COL3A1: variants seen among roughly 807,000 people sequenced by gnomAD.
COL3A1 encodes collagen type III alpha 1 chain.
Under a neutral mutation model 200.9 loss-of-function variants are expected in COL3A1, and 46 were observed. The observed-to-expected ratio is 0.23, with a 90% CI of 0.18 to 0.29. COL3A1 has a LOEUF of 0.29. COL3A1 is among the 10% of genes least tolerant of loss of function. The probability of loss-of-function intolerance (pLI) is 1.00; values close to 1 mark genes in which losing one functional copy is unlikely to be tolerated. For missense variants in COL3A1, 1,367 were observed against 1,917.6 expected (o/e 0.71, Z 5.36); for synonymous variants, 650 against 628.0 (o/e 1.03, Z -0.52).
rs1361368010 is a variant in COL3A1, at chr2:189,002,951, G to A, written c.2446-4G>A. 2 of 1,548,536 alleles carry A rather than the reference G, an allele frequency of 1.3e-6. No homozygotes were observed. Among genetic ancestry groups the A allele is most frequent in the Admixed American group, 2.0e-5 (1 of 51,014 alleles). The stretch of plus-strand genomic sequence containing the variant: ...TGAGAGATTGCTGTTGTTGTTGCAT[G>A]TAGGGACAGAATGGTGAACCTGGTG... On this transcript the variant is annotated splice_polypyrimidine_tract_variant and splice_region_variant and intron_variant, in intron 35 of 50. Coordinates refer to ENST00000304636, the MANE Select transcript of COL3A1 (RefSeq NM_000090.4).
At chr2:188,992,270 A>G in intron 14 of COL3A1, 42 bp downstream of exon 14, 1 of 1,572,672 alleles carries the variant, frequency 6.4e-7, no homozygotes, top group Non-Finnish European at 8.8e-7. Flanking sequence ...GGGTAATGAG[A>G]AGTTATGGAT....
Position 189,008,056 on chromosome 2 carries a change from C to T in COL3A1, c.3439C>T (p.Pro1147Ser). 6.2e-7 allele frequency: 1 copy of T among 1,614,082 alleles called. No individual in the cohort carries two copies. Among genetic ancestry groups the T allele is most frequent in the Non-Finnish European group, 8.5e-7 (1 of 1,179,976 alleles). ...GPRGPVGPSG[P>S]PGKDGTSGHP... ...TTAGGGACCTGTTGGACCCAGTGGA[C>T]CTCCTGGCAAAGATGGAACCAGTGG... The change falls in exon 47 of 51, where the codon CCT becomes TCT. Residue 1147 changes from proline (P) to serine (S), a missense_variant. Transcript: ENST00000304636.
chr2:189,005,796 T>G (rs1688572309), intron 41 of COL3A1, among the ~76,000 whole-genome samples: 1 of 151,952 alleles, frequency 6.6e-6, no homozygotes, highest in Admixed American at 6.5e-5. Context: ...GAATTTAAAA[T>G]TAATATTATT....
Position 188,974,388 on chromosome 2 carries a change from C to G in COL3A1, c.-102C>G, listed in dbSNP as rs1687761240. ...GAATCTCAGTGGCTGAGTTTTATGA[C>G]GGGCCCGGTGCTGAAGGGCAGGGAA... On this transcript the variant is annotated 5_prime_UTR_variant, in exon 1 of 51. Transcript: ENST00000304636. The G allele has an allele frequency of 2.4e-6, 2 of 830,246 alleles. No individual in the cohort carries two copies. The highest frequency in any genetic ancestry group is 1.7e-5 in the African/African-American group (1 of 58,846). The allele number at this position is 830,246 out of a possible 1,614,324, so 51.4% of individuals were successfully genotyped here. A position where few individuals can be genotyped will look rare whatever the true frequency, so the allele number is the denominator to read the frequency against.
rs1475668896 is a variant in COL3A1, at chr2:189,007,815, G to C, written c.3364-70G>C. ...TCATGATCCCCATGTTTCTTGATCT[G>C]ATCTTGAATGTACAGTTTCCCAGTG... On this transcript the variant is annotated intron_variant, in intron 45 of 50. Transcript: ENST00000304636. 6 of 1,556,134 alleles carry C rather than the reference G, an allele frequency of 3.9e-6. No individual in the cohort carries two copies. The Admixed American group carries it at 1.0e-4, about 26-fold the overall frequency.
Position 188,995,902 on chromosome 2 carries a change from G to T in COL3A1, c.1608+112G>T, listed in dbSNP as rs749942991. ...TCAATCAGATTACATATTTTGTAAG[G>T]CACCAAACAAAACAAAATTCTTTTA... On this transcript the variant is annotated intron_variant, in intron 22 of 50. Coordinates refer to ENST00000304636, the MANE Select transcript of COL3A1 (RefSeq NM_000090.4). 57 of 1,070,972 alleles carry T rather than the reference G, an allele frequency of 5.3e-5. 1 individual carries two copies. Among genetic ancestry groups the T allele is most frequent in the Non-Finnish European group, 7.0e-5 (51 of 727,290 alleles). 66.3% of individuals were successfully genotyped at this position (1,070,972 alleles called of 1,614,324 possible).
rs1251770723 is a variant in COL3A1, at chr2:188,986,372, C to T, written c.447+594C>T. On this transcript the variant is annotated intron_variant, in intron 4 of 50. Transcript: ENST00000304636. ...AGGTGAAACGAGAAAATATATTACA[C>T]AAATTTTTGTGAGGTTAAAAAGTGC... Among the ~76,000 whole-genome samples, 4 of 151,966 alleles carry T rather than the reference C, an allele frequency of 2.6e-5. No homozygotes were observed. The East Asian group carries it at 7.7e-4, about 29-fold the overall frequency.
rs13306266 is a variant in COL3A1 at position 188,991,972 on chromosome 2, T to A, written c.952-212T>A. Among the ~76,000 whole-genome samples, 8 of 152,316 alleles carry A rather than the reference T, an allele frequency of 5.3e-5. No individual in the cohort carries two copies. The East Asian group carries it at 1.5e-3, about 29-fold the overall frequency. On this transcript the variant is annotated intron_variant, in intron 13 of 50. Coordinates refer to ENST00000304636, the MANE Select transcript of COL3A1 (RefSeq NM_000090.4). ...TTTGAGCCATTATATCTGCATTCAG[T>A]CCTGAAAACACAGACTCCAATCCTT... is the stretch of plus-strand genomic sequence containing the variant.
rs553203474 is a variant in COL3A1 at position 188,999,570 on chromosome 2, G to A, written c.2222G>A (p.Gly741Asp). ...GGTCTTGGAAGTCCTGGTCCAAAGG[G>A]TGACAAGGTGTTGACTTGTTTTCTC... ...RGGLGSPGPKGDKGEPGGPGA... is the reference protein window; with the variant it reads ...RGGLGSPGPKDDKGEPGGPGA... The change falls in exon 31 of 51, where the codon GGT becomes GAT. Residue 741 changes from glycine (G) to aspartate (D), a missense_variant. Transcript: ENST00000304636. 6.2e-7 allele frequency: 1 copy of A among 1,613,100 alleles called. No individual in the cohort carries two copies. Among genetic ancestry groups the A allele is most frequent in the African/African-American group, 1.3e-5 (1 of 75,026 alleles).
chr2:188,994,771 C>A lies in COL3A1; in HGVS notation c.1395C>A (p.Gly465=). 2 of 1,613,028 alleles carry A rather than the reference C, an allele frequency of 1.2e-6. No homozygotes were observed. Among genetic ancestry groups the A allele is most frequent in the Middle Eastern group, 1.7e-4 (1 of 6,028 alleles). ...PGVPGAKGED[G]KDGSPGEPGA... ...TTCCAGGAGCTAAAGGCGAAGATGG[C>A]AAGGATGGATCACCTGGAGAACCTG... The change falls in exon 20 of 51, where the codon GGC becomes GGA. Residue 465 remains glycine (G), a synonymous_variant. Transcript: ENST00000304636. This position sits in a 1 kb window ranked among gnomAD's most constrained non-coding sequence, Gnocchi z 4.5.
chr2:189,006,089 C>T (rs1237906303), intron 41 of COL3A1, 117 bp from the exon 42 acceptor site: 4 of 1,025,146 alleles, frequency 3.9e-6, no homozygotes, highest in African/African-American at 1.6e-5. Flanking sequence ...GATTTCTTAC[C>T]CCCAAGAACC....
chr2:189,007,686 C>T (rs1688625701), intron 45 of COL3A1, 79 bp downstream of exon 45: 2 of 1,333,940 alleles, frequency 1.5e-6, no homozygotes, highest in African/African-American at 1.5e-5. Flanking sequence ...CTTTCCATCT[C>T]TAAAAATATG....
chr2:188,988,770 G>A (rs986626006), intron 7 of COL3A1, 127 bp downstream of exon 7: 64 of 672,708 alleles, frequency 9.5e-5, no homozygotes, highest in Non-Finnish European at 1.6e-4. Context: ...TGTAAATAAC[G>A]AATAGCATTT....
intron 22 of COL3A1, 127 bp from the exon 23 acceptor site, chr2:188,995,998 G>A (rs1180987569): frequency 3.0e-6 from 3 of 1,013,708 alleles, no homozygotes; most frequent in South Asian, 2.8e-5. Context: ...TTTATAGACA[G>A]GAAAAAAGAT....
chr2:189,001,349 A>G (rs756056956), intron 32 of COL3A1, 48 bp from the exon 33 acceptor site: 1 of 1,565,164 alleles, frequency 6.4e-7, no homozygotes, highest in Non-Finnish European at 8.8e-7. Flanking sequence ...TAATGCAAAA[A>G]ACGATATTTG....
At chr2:188,990,028 T>G (rs1688152893) in intron 8 of COL3A1, 68 bp from the exon 9 acceptor site, 1 of 1,425,748 alleles carries the variant, frequency 7.0e-7, no homozygotes, top group African/African-American at 1.4e-5. Flanking sequence ...AAGTAACCAT[T>G]TTGCTTATTG....
In COL3A1 at chr2:188,990,109, G is replaced by C. The variant is rs554901115; in HGVS notation, c.704G>C (p.Arg235Thr). The change falls in exon 9 of 51, where the codon AGA becomes ACA. Residue 235 changes from arginine to threonine, a missense_variant. By Grantham distance (71) the Arg-to-Thr change is moderately conservative. This residue lies in a region of COL3A1 where 462 missense variants were observed against 681.4 expected (regional missense o/e 0.68). Coordinates refer to ENST00000304636, the MANE Select transcript of COL3A1 (RefSeq NM_000090.4). Reference protein sequence around the residue: ...GPAGKDGESGRPGRPGERGLP... With the variant: ...GPAGKDGESGTPGRPGERGLP... Reference sequence around the variant, plus strand: ...TTCTCTACCTAGGGAGAATCAGGTAGACCCGGACGACCTGGAGAGCGAGGA... The same window carrying C: ...TTCTCTACCTAGGGAGAATCAGGTACACCCGGACGACCTGGAGAGCGAGGA... 6.2e-7 allele frequency: 1 copy of C among 1,613,572 alleles called. No homozygotes were observed. The highest frequency in any genetic ancestry group is 8.5e-7 in the Non-Finnish European group (1 of 1,179,740).
intron 23 of COL3A1, 102 bp from the exon 24 acceptor site, chr2:188,996,287 TATGTATATC>T: frequency 1.3e-6 from 1 of 759,760 alleles, no homozygotes; most frequent in Non-Finnish European, 2.0e-6. Context: ...TATATATGTA[TATGTATATC>T]TATATATATA....
intron 37 of COL3A1, 90 bp downstream of exon 37, chr2:189,003,554 G>A: frequency 7.1e-7 from 1 of 1,415,086 alleles, no homozygotes; most frequent in South Asian, 1.2e-5. Flanking sequence ...GTTCCATAAA[G>A]AGAATGTAAA....
Sources: allele counts gnomAD v4.1 joint callset (sites outside exome capture counted in the v4.1 genomes callset), GRCh38; gene constraint gnomAD v4.1.1; regional missense constraint gnomAD v4.1.1; non-coding constraint Gnocchi (gnomAD v3.1); transcripts MANE v1.5; gene names NCBI Gene and HGNC (gene_info 2026-07-23, HGNC 2026-07-21).